RGS3: variants seen among roughly 807,000 people sequenced by gnomAD.
RGS3 encodes the protein regulator of G protein signaling 3.
A neutral mutation model predicts 132.6 loss-of-function variants in RGS3; 80 were observed. The ratio of observed to expected loss-of-function variants is 0.60; its 90% CI spans 0.50 to 0.73. The LOEUF is 0.73. RGS3 is among the 30% of genes least tolerant of loss of function. The pLI, the probability that RGS3 is intolerant of heterozygous loss-of-function variation, is 0.00. For synonymous variants in RGS3, 598 were observed against 620.6 expected (o/e 0.96, Z 0.54); for missense variants, 1,382 against 1,530.8 (o/e 0.90, Z 1.62).
At chr9:113,551,686 TAAC>T (rs141307420) in intron 19 of RGS3, among the ~76,000 whole-genome samples, 17,868 of 151,618 alleles carry the variant, frequency 0.12, 1,260 homozygotes, top group African/African-American at 0.19. Flanking sequence ...CTGTCTCTAC[TAAC>T]AACAACAACA....
At chr9:113,471,686 C>A (rs1564457062) in intron 3 of RGS3, among the ~76,000 whole-genome samples, 1 of 151,922 alleles carries the variant, frequency 6.6e-6, no homozygotes, top group Non-Finnish European at 1.5e-5. Flanking sequence ...CTTTCTTTCT[C>A]CCTGCCTGCC....
At chr9:113,548,895 A>G (rs1178779733) in intron 19 of RGS3, among the ~76,000 whole-genome samples, 1 of 152,026 alleles carries the variant, frequency 6.6e-6, no homozygotes, top group Non-Finnish European at 1.5e-5. Flanking sequence ...AGGCTTCCTG[A>G]GAGTCGCCTG....
At chr9:113,548,530 A>G (rs1235670327) in intron 19 of RGS3, among the ~76,000 whole-genome samples, 2 of 152,238 alleles carry the variant, frequency 1.3e-5, no homozygotes, top group Non-Finnish European at 2.9e-5. Context: ...CAGTGGGAAC[A>G]GAGCTGAGGG....
intron 18 of RGS3, among the ~76,000 whole-genome samples, chr9:113,530,309 C>T (rs898200337): frequency 2.0e-5 from 3 of 152,200 alleles, no homozygotes; most frequent in African/African-American, 7.2e-5. Flanking sequence ...TTAGCTTTAG[C>T]GGAGGGCAGA....
In RGS3 at chr9:113,558,134, A is replaced by T. The variant is rs560498548; in HGVS notation, c.2037+21216A>T. The stretch of plus-strand genomic sequence containing the variant: ...TTGAGAGAGGTGAGAGATCCACAGG[A>T]TGTATAGCAGGAGGGGTCTGCAAAA... On this transcript the variant is annotated intron_variant, in intron 19 of 24. Coordinates refer to ENST00000350696, the Ensembl canonical transcript of RGS3. Among the ~76,000 whole-genome samples, 5 of 152,288 alleles carry T rather than the reference A, an allele frequency of 3.3e-5. No individual in the cohort carries two copies. The South Asian group carries it at 1.0e-3, about 32-fold the overall frequency.
chr9:113,577,890 C>T (rs1834604784), intron 19 of RGS3, among the ~76,000 whole-genome samples: 1 of 152,212 alleles, frequency 6.6e-6, no homozygotes. Context: ...AATATCCCTC[C>T]TTCCTCTCTA....
chr9:113,507,817 T>G lies in RGS3; in HGVS notation c.1437+179T>G, dbSNP rs912560257. ...GGCTGTTCTTGGTAGGGAGGACAGA[T>G]GGGTCTATGTGGCCTCAGGGCACAG... On this transcript the variant is annotated intron_variant, in intron 13 of 24. Coordinates refer to ENST00000350696, the Ensembl canonical transcript of RGS3. The surrounding 1 kb of genome is among the most constrained non-coding windows in gnomAD (Gnocchi z 5.0). Among the ~76,000 whole-genome samples the G allele has an allele frequency of 1.3e-5, 2 of 152,300 alleles. No individual in the cohort carries two copies. Among genetic ancestry groups the G allele is most frequent in the South Asian group, 4.1e-4 (2 of 4,826 alleles).
rs34919768 is a variant in RGS3 at position 113,565,875 on chromosome 9, CTGTGTG to C, written c.2038-17539_2038-17534del. ...ATTTGTGCTCTGTTCTGAGATAGCTCTGTGTGTGTGTGTGTGTGTGTGTGTGTGTGT... is the reference window on the plus strand; with the variant it reads ...ATTTGTGCTCTGTTCTGAGATAGCTCTGTGTGTGTGTGTGTGTGTGTGTGT... On this transcript the variant is annotated intron_variant, in intron 19 of 24. Transcript: ENST00000350696. This position sits in a 1 kb window ranked among gnomAD's most constrained non-coding sequence, Gnocchi z 5.7. 16 of 138,966 alleles carry C rather than the reference CTGTGTG, an allele frequency of 1.2e-4. No homozygotes were observed. The highest frequency in any genetic ancestry group is 2.1e-4 in the African/African-American group (7 of 33,188). 8.6% of individuals were successfully genotyped at this position (138,966 alleles called of 1,614,324 possible).
At chr9:113,512,240 A>G (rs1021893220) in intron 14 of RGS3, among the ~76,000 whole-genome samples, 1 of 152,218 alleles carries the variant, frequency 6.6e-6, no homozygotes, top group African/African-American at 2.4e-5. Context: ...CTTGAGACTG[A>G]GGATGGTGCT....
chr9:113,445,958 C>T (rs1052302321), intron 1 of RGS3, among the ~76,000 whole-genome samples: 13 of 152,314 alleles, frequency 8.5e-5, no homozygotes, highest in Admixed American at 3.3e-4. Context: ...GGATTACAGG[C>T]GTGACCCACC....
rs550622881 is a variant in RGS3, at chr9:113,526,776, C to A, written c.1871-2445C>A. On this transcript the variant is annotated intron_variant, in intron 17 of 24. Transcript: ENST00000350696. ...TGGTCCATGTATTCCTTGCGGGAAG[C>A]GAGGTCCACTCTGGAACCCAATGGC... Among the ~76,000 whole-genome samples the A allele has an allele frequency of 2.0e-5, 3 of 152,248 alleles. No homozygotes were observed. In the South Asian group the frequency reaches 6.2e-4, roughly 32 times the overall value.
chr9:113,532,669 G>A (rs907734547), intron 18 of RGS3, among the ~76,000 whole-genome samples: 4 of 152,290 alleles, frequency 2.6e-5, no homozygotes, highest in South Asian at 2.1e-4. Flanking sequence ...TTGCAGTGTC[G>A]TTGGAAGAAA....
intron 19 of RGS3, among the ~76,000 whole-genome samples, chr9:113,575,139 G>A (rs1389097868): frequency 6.6e-6 from 1 of 152,172 alleles, no homozygotes; most frequent in East Asian, 1.9e-4. Context: ...GGAGAAGCTG[G>A]GCATCCAGGC....
At chr9:113,553,453 AAAAAAAATATATATATAT>A (rs1833426554) in intron 19 of RGS3, among the ~76,000 whole-genome samples, 1 of 104,580 alleles carries the variant, frequency 9.6e-6, no homozygotes, top group Non-Finnish European at 1.9e-5. Context: ...AAAAAAAAAA[AAAAAAAATATATATATAT>A]ATATATATAT....
chr9:113,480,892 G>T (rs1830139015), intron 4 of RGS3, among the ~76,000 whole-genome samples: 3 of 152,168 alleles, frequency 2.0e-5, no homozygotes, highest in African/African-American at 7.2e-5. Flanking sequence ...CTTCTGTTTA[G>T]CCCAGAAGGC....
intron 4 of RGS3, 145 bp from the exon 3 acceptor site, chr9:113,482,914 C>G: frequency 6.6e-7 from 1 of 1,517,284 alleles, no homozygotes; most frequent in East Asian, 2.4e-5. Context: ...GTAGCAGGGG[C>G]CATAGCCCTG....
chr9:113,544,705 A>G (rs1037184130), intron 19 of RGS3, among the ~76,000 whole-genome samples: 1 of 152,242 alleles, frequency 6.6e-6, no homozygotes, highest in Non-Finnish European at 1.5e-5. Context: ...TTTATGGATG[A>G]AAGACACCAA....
At chr9:113,542,073 A>C in intron 19 of RGS3, 1 of 159,290 alleles carries the variant, frequency 6.3e-6, no homozygotes, top group Non-Finnish European at 1.3e-5. Context: ...GAAAAAACAC[A>C]GATTTCTTTA....
intron 16 of RGS3, among the ~76,000 whole-genome samples, chr9:113,520,553 T>C (rs1831897865): frequency 6.6e-6 from 1 of 151,078 alleles, no homozygotes. Context: ...TTTTTTTTTT[T>C]TTTTTTTTTT....
Sources: gnomAD v4.1 joint callset for allele counts (sites outside exome capture counted in the v4.1 genomes callset) on GRCh38, gnomAD v4.1.1 for gene constraint, Gnocchi (gnomAD v3.1) non-coding constraint, MANE v1.5 for transcripts, NCBI Gene and HGNC (gene_info 2026-07-23, HGNC 2026-07-21) for gene names.